Variants in PDE4B observed in about 807,000 individuals in gnomAD.
PDE4B encodes the protein 3',5'-cyclic-AMP phosphodiesterase 4B.
In PDE4B, 20 loss-of-function variants were observed where a neutral mutation model predicts 82.2. The ratio of observed to expected loss-of-function variants is 0.24; its 90% CI spans 0.17 to 0.35. The LOEUF is 0.35. PDE4B is among the 10% of genes least tolerant of loss of function. The probability of loss-of-function intolerance (pLI) is 1.00; values close to 1 mark genes in which losing one functional copy is unlikely to be tolerated. For synonymous variants in PDE4B, 320 were observed against 318.9 expected, an observed-to-expected ratio of 1.00 and a Z score of -0.04; for missense variants, 655 against 907.2, an observed-to-expected ratio of 0.72 and a Z score of 3.57.
intron 1 of PDE4B, among the ~76,000 whole-genome samples, chr1:65,800,281 TG>T (rs1450779925): frequency 3.9e-5 from 6 of 152,204 alleles, no homozygotes; most frequent in Non-Finnish European, 8.8e-5. Flanking sequence ...TACAACTCCC[TG>T]GATGAGAAAT....
intron 3 of PDE4B, among the ~76,000 whole-genome samples, chr1:65,959,664 AG>A (rs149930236): frequency 0.062 from 9,507 of 152,190 alleles, 347 homozygotes; most frequent in Middle Eastern, 0.18. Flanking sequence ...CCATTTTTAC[AG>A]ATGAGGAGGC....
chr1:66,230,780 G>T (rs1396003620), intron 3 of PDE4B, among the ~76,000 whole-genome samples: 1 of 152,154 alleles, frequency 6.6e-6, no homozygotes, highest in Non-Finnish European at 1.5e-5. Flanking sequence ...GTGCAGTGTG[G>T]CTCACGCCTG....
At chr1:66,154,791 G>T (rs1463669960) in intron 3 of PDE4B, among the ~76,000 whole-genome samples, 2 of 152,150 alleles carry the variant, frequency 1.3e-5, no homozygotes, top group Admixed American at 1.3e-4. Context: ...TTTGCTCAAG[G>T]AATATGCTTG....
intron 1 of PDE4B, among the ~76,000 whole-genome samples, chr1:65,903,921 T>C (rs1429926673): frequency 6.6e-6 from 1 of 152,206 alleles, no homozygotes; most frequent in Non-Finnish European, 1.5e-5. Flanking sequence ...CCAGTAAATA[T>C]TAGGCCATTA....
intron 1 of PDE4B, among the ~76,000 whole-genome samples, chr1:65,837,080 A>G (rs1348750196): frequency 4.6e-5 from 7 of 150,996 alleles, no homozygotes; most frequent in African/African-American, 1.5e-4. Flanking sequence ...TAAACATACC[A>G]GCCAGCACCA....
At chr1:65,841,661 G>A (rs1274550976) in intron 1 of PDE4B, among the ~76,000 whole-genome samples, 1 of 152,140 alleles carries the variant, frequency 6.6e-6, no homozygotes, top group Non-Finnish European at 1.5e-5. Context: ...TTTACTTGGA[G>A]AGGATCCAAA....
intron 3 of PDE4B, among the ~76,000 whole-genome samples, chr1:66,165,503 A>C (rs1237495306): frequency 6.6e-6 from 1 of 152,136 alleles, no homozygotes; most frequent in African/African-American, 2.4e-5. Context: ...AGAAGTACAC[A>C]CATACACAAA....
At chr1:66,251,713 G>T (rs2101686851) in intron 4 of PDE4B, among the ~76,000 whole-genome samples, 1 of 152,244 alleles carries the variant, frequency 6.6e-6, no homozygotes, top group African/African-American at 2.4e-5. Flanking sequence ...TGCAGGAGAG[G>T]CCAGGTGCTA....
intron 3 of PDE4B, among the ~76,000 whole-genome samples, chr1:66,093,226 A>AG (rs1206345206): frequency 1.3e-5 from 2 of 152,066 alleles, no homozygotes; most frequent in African/African-American, 4.8e-5. Context: ...TAAGGCTCAG[A>AG]GCAGGCAAAA....
chr1:65,816,603 A>AT (rs1382528966), intron 1 of PDE4B, among the ~76,000 whole-genome samples: 4 of 152,208 alleles, frequency 2.6e-5, no homozygotes, highest in African/African-American at 7.2e-5. Flanking sequence ...AGATTTATAA[A>AT]CAAGGATGTT....
In PDE4B at chr1:66,018,583, A is replaced by G. The variant is rs188575772; in HGVS notation, c.281+99748A>G. Among the ~76,000 whole-genome samples, 15 of 152,350 alleles carry G rather than the reference A, an allele frequency of 9.8e-5. No homozygotes were observed. In the East Asian group the frequency reaches 2.7e-3, roughly 27 times the overall value. On this transcript the variant is annotated intron_variant, in intron 3 of 16. Transcript: ENST00000341517. ...ATTCCAATATGAGGTTAATATTTTAATATCTTATATCAAAATATCTGAGCA... is the reference window on the plus strand; with the variant it reads ...ATTCCAATATGAGGTTAATATTTTAGTATCTTATATCAAAATATCTGAGCA...
At chr1:66,234,120 A>T (rs535359595) in intron 3 of PDE4B, among the ~76,000 whole-genome samples, 1 of 152,316 alleles carries the variant, frequency 6.6e-6, no homozygotes, top group East Asian at 1.9e-4. Flanking sequence ...CAGTGAAGTT[A>T]TCTGGGCATG....
At chr1:65,886,517 C>A (rs1292627424) in intron 1 of PDE4B, among the ~76,000 whole-genome samples, 1 of 152,150 alleles carries the variant, frequency 6.6e-6, no homozygotes, top group Admixed American at 6.6e-5. Flanking sequence ...TAACCAACCT[C>A]TTTTTATCTC....
chr1:66,364,560 TC>T (rs1356122683), intron 12 of PDE4B, among the ~76,000 whole-genome samples: 2 of 152,132 alleles, frequency 1.3e-5, no homozygotes, highest in African/African-American at 2.4e-5. Flanking sequence ...CTTTACAGAT[TC>T]AGTTTGGAAG....
intron 1 of PDE4B, among the ~76,000 whole-genome samples, chr1:65,909,549 CAG>C (rs1435486697): frequency 4.6e-5 from 7 of 152,148 alleles, no homozygotes; most frequent in African/African-American, 1.7e-4. Context: ...GTGAATAAAA[CAG>C]AACGTTATGA....
intron 1 of PDE4B, among the ~76,000 whole-genome samples, chr1:65,903,149 G>C (rs962085439): frequency 6.6e-6 from 1 of 152,118 alleles, no homozygotes; most frequent in African/African-American, 2.4e-5. Flanking sequence ...TTCTTTTTAA[G>C]TGGCAGAACT....
At chr1:65,906,966 T>TGC (rs1040479218) in intron 1 of PDE4B, among the ~76,000 whole-genome samples, 1 of 152,176 alleles carries the variant, frequency 6.6e-6, no homozygotes, top group Non-Finnish European at 1.5e-5. Context: ...CACTTTTCAG[T>TGC]TTTTATCTCA....
At chr1:66,051,338 A>G (rs537413509) in intron 3 of PDE4B, among the ~76,000 whole-genome samples, 1 of 152,282 alleles carries the variant, frequency 6.6e-6, no homozygotes, top group Admixed American at 6.5e-5. Flanking sequence ...TCACCTTAAA[A>G]TAGGGAAACT....
chr1:66,100,988 C>G (rs566221913), intron 3 of PDE4B, among the ~76,000 whole-genome samples: 3 of 152,100 alleles, frequency 2.0e-5, no homozygotes, highest in Admixed American at 1.3e-4. Flanking sequence ...ATCCTCCCCC[C>G]ACCCCACAAC....
Sources: gnomAD v4.1 joint callset for allele counts (sites outside exome capture counted in the v4.1 genomes callset) on GRCh38, gnomAD v4.1.1 for gene constraint, MANE v1.5 for transcripts, NCBI Gene and HGNC (gene_info 2026-07-23, HGNC 2026-07-21) for gene names.